Variants in PCCB observed in about 807,000 individuals in gnomAD.
The protein encoded by PCCB is propionyl-CoA carboxylase subunit beta, also known as propionyl-CoA carboxylase beta chain, mitochondrial.
A neutral mutation model predicts 60.7 loss-of-function variants in PCCB; 43 were observed. The observed-to-expected ratio is 0.71, with a 90% CI of 0.55 to 0.91. The LOEUF (loss-of-function observed/expected upper bound fraction) is 0.91, where lower values mean the gene tolerates loss of function less well. PCCB is among the 40% of genes least tolerant of loss of function. The pLI, the probability that PCCB is intolerant of heterozygous loss-of-function variation, is 0.00. For synonymous variants in PCCB, 276 were observed against 255.9 expected, an observed-to-expected ratio of 1.08 and a Z score of -0.75; for missense variants, 766 against 702.8, an observed-to-expected ratio of 1.09 and a Z score of -1.02.
intron 3 of PCCB, among the ~76,000 whole-genome samples, chr3:136,257,852 G>A (rs776260449): frequency 6.6e-6 from 1 of 152,168 alleles, no homozygotes; most frequent in East Asian, 1.9e-4. Flanking sequence ...AGAATCGCTT[G>A]AACCTGGGAG....
intron 10 of PCCB, among the ~76,000 whole-genome samples, chr3:136,318,923 G>A (rs1422089954): frequency 6.6e-6 from 1 of 152,150 alleles, no homozygotes; most frequent in Non-Finnish European, 1.5e-5. Context: ...TTTTCTGGGT[G>A]TGTACCCAGA....
intron 10 of PCCB, among the ~76,000 whole-genome samples, chr3:136,322,465 C>T (rs1935143210): frequency 6.6e-6 from 1 of 152,158 alleles, no homozygotes; most frequent in South Asian, 2.1e-4. Flanking sequence ...TGATGCTGGA[C>T]TCATAGAATG....
chr3:136,314,935 G>T (rs1934826629), intron 9 of PCCB, among the ~76,000 whole-genome samples: 1 of 152,188 alleles, frequency 6.6e-6, no homozygotes, highest in South Asian at 2.1e-4. Flanking sequence ...TCAACACATT[G>T]TGCCACTTGA....
chr3:136,328,800 G>C lies in PCCB; in HGVS notation c.1441G>C (p.Ala481Pro). 6.2e-7 allele frequency: 1 copy of C among 1,614,210 alleles called. No individual in the cohort carries two copies. Among genetic ancestry groups the C allele is most frequent in the Non-Finnish European group, 8.5e-7 (1 of 1,180,006 alleles). Residue 481 changes from alanine (A) to proline (P), a missense_variant, in exon 14 of 15, where the codon GCT (alanine) becomes CCT (proline). By Grantham distance (27) the Ala-to-Pro change is conservative (BLOSUM62 -1). Coordinates refer to ENST00000251654, the MANE Select transcript of PCCB (RefSeq NM_000532.5). ...CTTCAAAGGGCATGAGAATGTGGAA[G>C]CTGCTCAGGCAGAGTACATCGAGAA... is the stretch of plus-strand genomic sequence containing the variant. ...IIFKGHENVE[A>P]AQAEYIEKFA...
chr3:136,309,166 G>A (rs562819280), intron 9 of PCCB, among the ~76,000 whole-genome samples: 76 of 150,894 alleles, frequency 5.0e-4, no homozygotes, highest in African/African-American at 1.8e-3. Context: ...AGGAGGCTGA[G>A]ACAGGAGAAT....
At position 136,327,151 on chromosome 3, in the gene PCCB, C is replaced by T. The variant is rs1361484856; in HGVS notation, c.1199-4C>T. On this transcript the variant is annotated splice_region_variant and splice_polypyrimidine_tract_variant and intron_variant, in intron 11 of 14. Coordinates refer to ENST00000251654, the MANE Select transcript of PCCB (RefSeq NM_000532.5). ...GGTATCTAGTAACTCTTCCTCATGT[C>T]TAGGCACAGCACAGGAATACGGGGG... is the stretch of plus-strand genomic sequence containing the variant. 8.7e-6 allele frequency: 14 copies of T among 1,613,612 alleles called. No individual in the cohort carries two copies. The highest frequency in any genetic ancestry group is 4.5e-5 in the East Asian group (2 of 44,882).
At chr3:136,291,925 C>G (rs1178489772) in intron 6 of PCCB, among the ~76,000 whole-genome samples, 1 of 152,190 alleles carries the variant, frequency 6.6e-6, no homozygotes, top group Admixed American at 6.5e-5. Flanking sequence ...GAGTCTTGAT[C>G]TCTCCGACTT....
intron 5 of PCCB, among the ~76,000 whole-genome samples, chr3:136,268,098 A>ATATATG (rs1942073719): frequency 8.7e-6 from 1 of 115,538 alleles, no homozygotes; most frequent in Non-Finnish European, 1.7e-5. Context: ...ATATATATAT[A>ATATATG]TATATATATA....
rs1942177661 is a variant in PCCB, at chr3:136,270,786, A to G, written c.543+8721A>G. ...CTCCCAAATTACTGGGATTACAGGCATGAGCCCCTGCGCCCGGCTGTTTTT... is the reference window on the plus strand; with the variant it reads ...CTCCCAAATTACTGGGATTACAGGCGTGAGCCCCTGCGCCCGGCTGTTTTT... On this transcript the variant is annotated intron_variant, in intron 5 of 14. Coordinates refer to ENST00000251654, the MANE Select transcript of PCCB (RefSeq NM_000532.5). 2.6e-5 allele frequency among the ~76,000 whole-genome samples: 4 copies of G among 152,106 alleles called. No individual in the cohort carries two copies. The South Asian group carries it at 8.3e-4, about 32-fold the overall frequency.
chr3:136,315,356 A>C (rs933831325), intron 9 of PCCB, among the ~76,000 whole-genome samples: 1 of 152,048 alleles, frequency 6.6e-6, no homozygotes, highest in Non-Finnish European at 1.5e-5. Flanking sequence ...CAACATGGTG[A>C]AACCATCTCT....
At chr3:136,255,366 G>A (rs1941643261) in intron 1 of PCCB, 1 of 207,446 alleles carries the variant, frequency 4.8e-6, no homozygotes, top group African/African-American at 2.3e-5. Flanking sequence ...GAAGAACCAG[G>A]AAGTAGCGTG....
chr3:136,250,621 C>G (rs865998519), intron 1 of PCCB, 63 bp downstream of exon 1: 2 of 1,495,134 alleles, frequency 1.3e-6, no homozygotes, highest in African/African-American at 2.8e-5. Context: ...ACTGCGTGCC[C>G]GGCTTGCGGC....
intron 13 of PCCB, among the ~76,000 whole-genome samples, chr3:136,328,472 A>C (rs1935415119): frequency 6.6e-6 from 1 of 152,220 alleles, no homozygotes; most frequent in Admixed American, 6.5e-5. Context: ...GATGAGTGCA[A>C]ATGGAGATGG....
Position 136,293,871 on chromosome 3 carries a change from G to T in PCCB, c.763+7G>T. 6.7e-7 allele frequency: 1 copy of T among 1,498,982 alleles called. No homozygotes were observed. The highest frequency in any genetic ancestry group is 9.3e-7 in the Non-Finnish European group (1 of 1,075,018). 92.9% of individuals were successfully genotyped at this position (1,498,982 alleles called of 1,614,324 possible). On this transcript the variant is annotated splice_region_variant and intron_variant, in intron 7 of 14. Transcript: ENST00000251654. The stretch of plus-strand genomic sequence containing the variant: ...ACCCACACCACCATGTCAGGTGAGA[G>T]GCCTTGAAGATGACCTTGTTGTTTT...
rs969610655 is a variant in PCCB, at chr3:136,303,611, A to T, written c.966+2500A>T. On this transcript the variant is annotated intron_variant, in intron 9 of 14. Coordinates refer to ENST00000251654, the MANE Select transcript of PCCB (RefSeq NM_000532.5). The stretch of plus-strand genomic sequence containing the variant: ...TTACTTATTTATTTATTTAAAAAAA[A>T]TTTTTTTTTGAGACAGAGTTTTGCT... Among the ~76,000 whole-genome samples the T allele has an allele frequency of 3.0e-4, 36 of 120,134 alleles. 10 individuals are homozygous for T. The highest frequency in any genetic ancestry group is 6.6e-4 in the South Asian group (2 of 3,048). 78.8% of individuals were successfully genotyped at this position (120,134 alleles called of 152,430 possible).
intron 6 of PCCB, among the ~76,000 whole-genome samples, chr3:136,291,612 G>A (rs1933693964): frequency 6.6e-6 from 1 of 152,100 alleles, no homozygotes; most frequent in South Asian, 2.1e-4. Flanking sequence ...AGCGGGTTGG[G>A]GCTGGCCATT....
At chr3:136,257,252 A>AT (rs1026548358) in intron 3 of PCCB, among the ~76,000 whole-genome samples, 2 of 152,158 alleles carry the variant, frequency 1.3e-5, no homozygotes, top group African/African-American at 2.4e-5. Flanking sequence ...AGAGGAGCTT[A>AT]TAAGGATGTG....
chr3:136,284,147 T>G (rs1933239315), intron 6 of PCCB, among the ~76,000 whole-genome samples, 200 bp downstream of exon 6: 1 of 152,230 alleles, frequency 6.6e-6, no homozygotes, highest in Non-Finnish European at 1.5e-5. Flanking sequence ...AGGGGATGCT[T>G]ATGTACTTCA....
chr3:136,325,918 A>G (rs1465794897), intron 10 of PCCB, among the ~76,000 whole-genome samples: 1 of 151,840 alleles, frequency 6.6e-6, no homozygotes, highest in Non-Finnish European at 1.5e-5. Flanking sequence ...GGTTCACACC[A>G]TTCTCCTGCC....
Sources: allele counts gnomAD v4.1 joint callset (sites outside exome capture counted in the v4.1 genomes callset), GRCh38; gene constraint gnomAD v4.1.1; transcripts MANE v1.5; gene names NCBI Gene and HGNC (gene_info 2026-07-23, HGNC 2026-07-21).